MYO9B: variants seen among roughly 807,000 people sequenced by gnomAD.
The protein encoded by MYO9B is myosin IXB.
MYO9B carries 71 observed loss-of-function variants against 229.5 expected under a neutral mutation model. The observed-to-expected ratio is 0.31, with a 90% confidence interval of 0.26 to 0.38. MYO9B has a LOEUF of 0.38. Ranked by LOEUF, MYO9B falls within the 10% of genes least tolerant of loss-of-function variation. The pLI, the probability that MYO9B is intolerant of heterozygous loss-of-function variation, is 1.00. For missense variants in MYO9B, 2,255 were observed against 2,920.5 expected (o/e 0.77, Z 5.25); for synonymous variants, 1,185 against 1,235.8 (o/e 0.96, Z 0.86).
In MYO9B at chr19:17,090,118, CTTTTTTTTTTTTTTTTTTTTTTTTTT is replaced by C. The variant is rs59440394; in HGVS notation, c.-58-11524_-58-11499del. Among the ~76,000 whole-genome samples the C allele has an allele frequency of 7.8e-3, 384 of 49,262 alleles. 4 individuals are homozygous for C. In the East Asian group the frequency reaches 0.11, roughly 14 times the overall value. 32.3% of individuals were successfully genotyped at this position (49,262 alleles called of 152,430 possible). On this transcript the variant is annotated intron_variant, in intron 1 of 39. Coordinates refer to ENST00000682292, the MANE Select transcript of MYO9B (RefSeq NM_004145.4). ...TATAGCATGAATCGGTGCTTCCTTC[CTTTTTTTTTTTTTTTTTTTTTTTTTT>C]TTTTTTTTTTTTTTTTTGAGATAAG...
At chr19:17,077,957 G>A (rs187625669) in intron 1 of MYO9B, among the ~76,000 whole-genome samples, 17 of 152,266 alleles carry the variant, frequency 1.1e-4, no homozygotes, top group Admixed American at 2.0e-4. Context: ...AGGCAGTACC[G>A]TCCCTCGGGT....
At chr19:17,112,890 A>C (rs1315308186) in intron 2 of MYO9B, among the ~76,000 whole-genome samples, 1 of 152,184 alleles carries the variant, frequency 6.6e-6, no homozygotes, top group Non-Finnish European at 1.5e-5. Flanking sequence ...CAGGAGAGGT[A>C]AGTGTTGAGA....
chr19:17,189,404 G>A (rs1440802737), intron 19 of MYO9B, among the ~76,000 whole-genome samples: 1 of 152,040 alleles, frequency 6.6e-6, no homozygotes, highest in Non-Finnish European at 1.5e-5. Context: ...GGGAGGGCAA[G>A]GCAGGCAGAT....
intron 20 of MYO9B, among the ~76,000 whole-genome samples, chr19:17,192,122 A>C (rs1283968933): frequency 6.6e-6 from 1 of 151,496 alleles, no homozygotes; most frequent in Non-Finnish European, 1.5e-5. Flanking sequence ...CACCTGACTA[A>C]TTTTTGTATT....
intron 2 of MYO9B, among the ~76,000 whole-genome samples, chr19:17,111,274 G>A (rs1268005089): frequency 6.6e-6 from 1 of 152,212 alleles, no homozygotes; most frequent in African/African-American, 2.4e-5. Flanking sequence ...AAGGGTGGCA[G>A]AGATAGAAGT....
At chr19:17,184,621 A>G (rs1055030782) in intron 16 of MYO9B, 2 of 456,890 alleles carry the variant, frequency 4.4e-6, no homozygotes, top group Non-Finnish European at 7.9e-6. Flanking sequence ...TGGGGCAGCC[A>G]CTCAGGCTGT....
At chr19:17,077,677 C>G (rs1483546397) in intron 1 of MYO9B, among the ~76,000 whole-genome samples, 1 of 152,166 alleles carries the variant, frequency 6.6e-6, no homozygotes, top group African/African-American at 2.4e-5. Context: ...GTTTTTCAAC[C>G]TTGAAACCCA....
chr19:17,206,631 C>A (rs1211211837), intron 33 of MYO9B, 48 bp from the exon 34 acceptor site: 4 of 1,499,038 alleles, frequency 2.7e-6, no homozygotes, highest in Non-Finnish European at 3.6e-6. Context: ...ACAACAGGCA[C>A]CTTGGGGACC....
chr19:17,183,496 C>T (rs905431774), intron 15 of MYO9B, among the ~76,000 whole-genome samples: 4 of 152,328 alleles, frequency 2.6e-5, no homozygotes, highest in Admixed American at 6.5e-5. Context: ...GCTGGATGCA[C>T]GTCCCACCCT....
intron 8 of MYO9B, 118 bp from the exon 9 acceptor site, chr19:17,162,232 G>A: frequency 1.3e-6 from 1 of 753,880 alleles, no homozygotes; most frequent in South Asian, 1.7e-5. Flanking sequence ...TTGAACCCAG[G>A]AGGTGGAGGT....
Position 17,202,975 on chromosome 19 carries a change from G to A in MYO9B, c.4878+92G>A, listed in dbSNP as rs374532027. 288 of 1,473,134 alleles carry A rather than the reference G, an allele frequency of 2.0e-4. No individual in the cohort carries two copies. In the African/African-American group the frequency reaches 3.3e-3, roughly 17 times the overall value. The allele number at this position is 1,473,134 out of a possible 1,614,324, so 91.3% of individuals were successfully genotyped here. A position where few individuals can be genotyped will look rare whatever the true frequency, so the allele number is the denominator to read the frequency against. Reference sequence around the variant, plus strand: ...TCAGTGTCAATGTGCGCATGGGCCCGTCTGCACGCGTATGTGTGCGTGGAC... The same window carrying A: ...TCAGTGTCAATGTGCGCATGGGCCCATCTGCACGCGTATGTGTGCGTGGAC... On this transcript the variant is annotated intron_variant, in intron 29 of 39. Coordinates refer to ENST00000682292, the MANE Select transcript of MYO9B (RefSeq NM_004145.4).
intron 16 of MYO9B, among the ~76,000 whole-genome samples, chr19:17,184,211 A>T (rs1317854324): frequency 1.3e-5 from 2 of 152,148 alleles, no homozygotes; most frequent in Non-Finnish European, 2.9e-5. Context: ...GTGGGTTCAT[A>T]GCACCACAGA....
chr19:17,127,538 A>C (rs1366576295), intron 2 of MYO9B, among the ~76,000 whole-genome samples: 1 of 152,200 alleles, frequency 6.6e-6, no homozygotes, highest in Non-Finnish European at 1.5e-5. Context: ...CATGTTGGCC[A>C]GGCTGGTCAT....
rs1181151024 is a variant in MYO9B at position 17,154,351 on chromosome 19, C to A, written c.1135C>A (p.His379Asn). The change falls in exon 6 of 40, where the codon CAT becomes AAT. Residue 379 changes from histidine (H) to asparagine (N), a missense_variant. His to Asn is a moderately conservative substitution (Grantham distance 68, BLOSUM62 1). Coordinates refer to ENST00000682292, the MANE Select transcript of MYO9B (RefSeq NM_004145.4). ...LKIEDGEDLK[H>N]DFERLKQAME... ...GATTGAAGATGGGGAGGACCTGAAG[C>A]ATGACTTTGAGAGGCTCAAGCAGGC... 3.1e-6 allele frequency: 5 copies of A among 1,613,192 alleles called. No homozygotes were observed. The African/African-American group carries it at 6.7e-5, about 22-fold the overall frequency.
At chr19:17,137,068 T>A (rs10419033) in intron 2 of MYO9B, among the ~76,000 whole-genome samples, 114,673 of 151,990 alleles carry the variant, frequency 0.75, 44,150 homozygotes, top group African/African-American at 0.91. Flanking sequence ...CGTCTCTACT[T>A]AAAATACAAA....
chr19:17,165,290 G>A (rs1254636824), intron 10 of MYO9B, among the ~76,000 whole-genome samples: 2 of 151,892 alleles, frequency 1.3e-5, no homozygotes, highest in African/African-American at 2.4e-5. Context: ...GAGCCCAAGA[G>A]GTCGAGGCTG....
chr19:17,147,684 T>C (rs1454273887), intron 3 of MYO9B, among the ~76,000 whole-genome samples: 1 of 131,092 alleles, frequency 7.6e-6, no homozygotes, highest in African/African-American at 2.9e-5. Context: ...TTTTTTTTTT[T>C]TTTTTTTTTT....
intron 10 of MYO9B, among the ~76,000 whole-genome samples, chr19:17,167,264 C>G (rs946967366): frequency 6.7e-6 from 1 of 149,310 alleles, no homozygotes; most frequent in Non-Finnish European, 1.5e-5. Context: ...AACTCCTGGA[C>G]TCAAGCCATC....
At chr19:17,093,205 C>T (rs1403173121) in intron 1 of MYO9B, among the ~76,000 whole-genome samples, 2 of 152,004 alleles carry the variant, frequency 1.3e-5, no homozygotes, top group African/African-American at 2.4e-5. Flanking sequence ...TGGTGGTGCA[C>T]GCCTGTAATC....
Sources: gnomAD v4.1 joint callset for allele counts (sites outside exome capture counted in the v4.1 genomes callset) on GRCh38, gnomAD v4.1.1 for gene constraint, MANE v1.5 for transcripts, NCBI Gene and HGNC (gene_info 2026-07-23, HGNC 2026-07-21) for gene names.